The following FAM199X variants were observed in gnomAD, a reference collection of about 807,000 sequenced individuals.
FAM199X encodes the protein family with sequence similarity 199, X-linked, also known as protein FAM199X.
Under a neutral mutation model 22.9 loss-of-function variants are expected in FAM199X, and 4 were observed. That is an observed-to-expected ratio of 0.17 (90% CI 0.09 to 0.40). The LOEUF (loss-of-function observed/expected upper bound fraction) is 0.40. Among genes scored for constraint, FAM199X ranks in the 10% least tolerant of loss-of-function variants. The pLI is 1.00. For missense variants in FAM199X, 183 were observed against 306.8 expected (o/e 0.60, Z 3.01); for synonymous variants, 101 against 112.3 (o/e 0.90, Z 0.64).
Position 104,186,072 on chromosome X carries a change from G to A in FAM199X, c.424G>A (p.Gly142Ser). The change falls in exon 3 of 6, where the codon GGC becomes AGC. Residue 142 changes from glycine to serine, a missense_variant. Gly to Ser is a moderately conservative substitution (Grantham distance 56). This residue lies in a region of FAM199X where 128 missense variants were observed against 246.2 expected (regional missense o/e 0.52). Coordinates refer to ENST00000493442, the MANE Select transcript of FAM199X (RefSeq NM_207318.4). ...CCTCCTTATTTTTATAAAGTTACCA[G>A]GCAGTGACATTGCCAGTGGGAGTGA... is the stretch of plus-strand genomic sequence containing the variant. ...SDSEFEWQLP[G>S]SDIASGSDVL... The A allele has an allele frequency of 2.5e-6, 3 of 1,206,946 alleles. No individual in the cohort carries two copies. The highest frequency in any genetic ancestry group is 3.4e-6 in the Non-Finnish European group (3 of 893,794).
chrX:104,175,280 A>C (rs1921459397), intron 1 of FAM199X, among the ~76,000 whole-genome samples: 1 of 112,155 alleles, frequency 8.9e-6, no homozygotes, highest in Non-Finnish European at 1.9e-5. Context: ...CTTTCTTTTA[A>C]AATAGTGTAC....
intron 2 of FAM199X, among the ~76,000 whole-genome samples, chrX:104,184,018 A>G (rs1229403383): frequency 8.9e-6 from 1 of 111,828 alleles, no homozygotes; most frequent in Non-Finnish European, 1.9e-5. Context: ...CCTGCAGTCC[A>G]TTGCAACTCT....
rs1392618689 is a variant in FAM199X, at chrX:104,194,713, C to T, written c.*4935C>T. 8.0e-5 allele frequency: 9 copies of T among 111,977 alleles called. No homozygotes were observed. The highest frequency in any genetic ancestry group is 1.9e-4 in the African/African-American group (6 of 30,958). The allele number at this position is 111,977 out of a possible 1,213,427, so 9.2% of individuals were successfully genotyped here. A position where few individuals can be genotyped will look rare whatever the true frequency, so the allele number is the denominator to read the frequency against. ...TAATGGTAAACAAGTATATGCAAAA[C>T]AATTCACATATGGGTAAAAATTTCA... On this transcript the variant is annotated 3_prime_UTR_variant, in exon 6 of 6. Coordinates refer to ENST00000493442, the MANE Select transcript of FAM199X (RefSeq NM_207318.4).
chrX:104,160,238 T>G, the FAM199X span, among the ~76,000 whole-genome samples: 1 of 112,382 alleles, frequency 8.9e-6, no homozygotes, highest in African/African-American at 3.2e-5. Context: ...TAAGTCAAAC[T>G]TGAACATCTG....
At chrX:104,188,816 T>TAA (rs112371054) in intron 5 of FAM199X, among the ~76,000 whole-genome samples, 22 of 103,028 alleles carry the variant, frequency 2.1e-4, no homozygotes, top group Middle Eastern at 4.9e-3. Context: ...GTCGGGCACT[T>TAA]AAAAAAAAAA....
At position 104,175,683 on chromosome X, in the gene FAM199X, T is replaced by G. The variant is rs1790658161; in HGVS notation, c.258T>G (p.Phe86Leu). The G allele has an allele frequency of 8.3e-7, 1 of 1,210,102 alleles. No individual in the cohort carries two copies. Among genetic ancestry groups the G allele is most frequent in the African/African-American group, 1.7e-5 (1 of 57,242 alleles). Residue 86 changes from phenylalanine (F) to leucine (L), a missense_variant, in exon 2 of 6, where the codon TTT becomes TTG. Physicochemically the swap from Phe to Leu is conservative, Grantham distance 22. Around this residue, in one of 2 missense-constraint regions of FAM199X, gnomAD observed 128 missense variants for 246.2 expected, o/e 0.52. Coordinates refer to ENST00000493442, the MANE Select transcript of FAM199X (RefSeq NM_207318.4). ...VASSEGSEEL[F>L]SSVSVGDQDD... ...GCTCAGAAGGCAGTGAGGAGCTGTT[T>G]TCATCTGTGTCTGTTGGAGATCAAG...
rs1208214453 is a variant in FAM199X at position 104,182,984 on chromosome X, T to C, written c.418-3082T>C. The stretch of plus-strand genomic sequence containing the variant: ...CTGCTAGTGAGCAGTGGAGCTGGGA[T>C]TTGAACTCTGGGATCTTTTTACTTA... On this transcript the variant is annotated intron_variant, in intron 2 of 5. Coordinates refer to ENST00000493442, the MANE Select transcript of FAM199X (RefSeq NM_207318.4). 3.6e-5 allele frequency among the ~76,000 whole-genome samples: 4 copies of C among 110,603 alleles called. No individual in the cohort carries two copies. In the Admixed American group the frequency reaches 3.9e-4, roughly 11 times the overall value.
upstream of FAM199X, among the ~76,000 whole-genome samples, chrX:104,162,593 C>T (rs1921067821): frequency 1.8e-5 from 2 of 112,099 alleles, no homozygotes; most frequent in Admixed American, 1.9e-4. Flanking sequence ...CCTCACTAAT[C>T]TTCTTTCTCC....
rs1921948770 is a variant in FAM199X at position 104,191,838 on chromosome X, A to G, written c.*2060A>G. On this transcript the variant is annotated 3_prime_UTR_variant, in exon 6 of 6. Coordinates refer to ENST00000493442, the MANE Select transcript of FAM199X (RefSeq NM_207318.4). Reference sequence around the variant, plus strand: ...GACCAATTCCCCTACTCTCCCAATAATCACATAGTCTTATTACTTTCAATT... The same window carrying G: ...GACCAATTCCCCTACTCTCCCAATAGTCACATAGTCTTATTACTTTCAATT... 8.9e-6 allele frequency: 1 copy of G among 111,736 alleles called. No individual in the cohort carries two copies. Among genetic ancestry groups the G allele is most frequent in the South Asian group, 3.7e-4 (1 of 2,697 alleles). The allele number at this position is 111,736 out of a possible 1,213,427, so 9.2% of individuals were successfully genotyped here.
upstream of FAM199X, among the ~76,000 whole-genome samples, chrX:104,162,221 A>G (rs1348677338): frequency 1.8e-5 from 2 of 111,679 alleles, no homozygotes; most frequent in African/African-American, 3.3e-5. Context: ...GCTGAGTTCT[A>G]AAAGTCCCAA....
At chrX:104,188,736 T>C (rs782094760) in intron 5 of FAM199X, among the ~76,000 whole-genome samples, 2 of 111,872 alleles carry the variant, frequency 1.8e-5, no homozygotes, top group South Asian at 7.4e-4. Context: ...TCTTAGCTAA[T>C]TTAAAAATCT....
upstream of FAM199X, among the ~76,000 whole-genome samples, chrX:104,166,299 G>T (rs1023525894): frequency 2.7e-5 from 3 of 113,104 alleles, no homozygotes; most frequent in Non-Finnish European, 5.6e-5. Context: ...CCTTTCTAGC[G>T]GCCTGAATCC....
the FAM199X span, among the ~76,000 whole-genome samples, chrX:104,160,810 A>G: frequency 5.4e-5 from 6 of 111,631 alleles, no homozygotes; most frequent in African/African-American, 2.0e-4. Flanking sequence ...TGAAATATAT[A>G]TTTGCAAGGA....
rs782061442 is a variant in FAM199X at position 104,194,102 on chromosome X, A to AT, written c.*4330dup. On this transcript the variant is annotated 3_prime_UTR_variant, in exon 6 of 6. Coordinates refer to ENST00000493442, the MANE Select transcript of FAM199X (RefSeq NM_207318.4). ...TTTCTTTTTGGCTCTCCCTCTAGTT[A>AT]TTTTTTAAATTAAGGTAATTACTGT... is the stretch of plus-strand genomic sequence containing the variant. The AT allele has an allele frequency of 9.0e-6, 1 of 111,483 alleles. No individual in the cohort carries two copies. The highest frequency in any genetic ancestry group is 9.6e-5 in the Admixed American group (1 of 10,471). 9.2% of individuals were successfully genotyped at this position (111,483 alleles called of 1,213,427 possible). A position where few individuals can be genotyped will look rare whatever the true frequency, so the allele number is the denominator to read the frequency against.
At position 104,193,913 on chromosome X, in the gene FAM199X, G is replaced by T. The variant is rs151107499; in HGVS notation, c.*4135G>T. ...GAACATAACTACTTATAATGCTTAGGTCTTATTTCTTTGGAAAATAAGTTA... is the reference window on the plus strand; with the variant it reads ...GAACATAACTACTTATAATGCTTAGTTCTTATTTCTTTGGAAAATAAGTTA... On this transcript the variant is annotated 3_prime_UTR_variant, in exon 6 of 6. Coordinates refer to ENST00000493442, the MANE Select transcript of FAM199X (RefSeq NM_207318.4). 5.4e-5 allele frequency: 6 copies of T among 111,372 alleles called. No homozygotes were observed. In the East Asian group the frequency reaches 1.7e-3, roughly 31 times the overall value. The allele number at this position is 111,372 out of a possible 1,213,427, so 9.2% of individuals were successfully genotyped here.
At chrX:104,186,365 C>T in intron 3 of FAM199X, 95 bp from the exon 4 acceptor site, 1 of 1,083,325 alleles carries the variant, frequency 9.2e-7, no homozygotes, top group Non-Finnish European at 1.2e-6. Flanking sequence ...CAAATATAAC[C>T]TTAAGTGCTT....
Position 104,192,607 on chromosome X carries a change from C to T in FAM199X, c.*2829C>T, listed in dbSNP as rs1466864809. 1 of 111,571 alleles carries T rather than the reference C, an allele frequency of 9.0e-6. No individual in the cohort carries two copies. Among genetic ancestry groups the T allele is most frequent in the Non-Finnish European group, 1.9e-5 (1 of 52,907 alleles). The allele number at this position is 111,571 out of a possible 1,213,427, so 9.2% of individuals were successfully genotyped here. On this transcript the variant is annotated 3_prime_UTR_variant, in exon 6 of 6. Transcript: ENST00000493442. ...TATATAATATTTTTCTATAGTTTTG[C>T]AACTGAATTAAAGGAAGGTGATGTA...
At chrX:104,184,257 T>C (rs1378980710) in intron 2 of FAM199X, among the ~76,000 whole-genome samples, 1 of 112,538 alleles carries the variant, frequency 8.9e-6, no homozygotes, top group Non-Finnish European at 1.9e-5. Flanking sequence ...GTGATCACAA[T>C]AGTCTTCATG....
At chrX:104,163,359 G>C (rs1921084508), upstream of FAM199X, among the ~76,000 whole-genome samples, 1 of 111,798 alleles carries the variant, frequency 8.9e-6, no homozygotes, top group South Asian at 3.7e-4. Flanking sequence ...CTCAGGCTCA[G>C]ATCTTCAGAG....
Sources: allele counts gnomAD v4.1 joint callset (sites outside exome capture counted in the v4.1 genomes callset), GRCh38; gene constraint gnomAD v4.1.1; regional missense constraint gnomAD v4.1.1; transcripts MANE v1.5; gene names NCBI Gene and HGNC (gene_info 2026-07-23, HGNC 2026-07-21).